GRIK1: variants seen among roughly 807,000 people sequenced by gnomAD.
GRIK1 encodes the protein glutamate receptor ionotropic, kainate 1.
A neutral mutation model predicts 105.7 loss-of-function variants in GRIK1; 69 were observed. That is an observed-to-expected ratio of 0.65 (90% CI 0.54 to 0.80). The LOEUF is 0.80. Ranked by LOEUF, GRIK1 falls within the 30% of genes least tolerant of loss-of-function variation. The probability of loss-of-function intolerance (pLI) is 0.00; values close to 1 mark genes in which losing one functional copy is unlikely to be tolerated. For missense variants in GRIK1, 1,109 were observed against 1,167.3 expected (o/e 0.95, Z 0.73); for synonymous variants, 438 against 431.3 (o/e 1.02, Z -0.19).
At chr21:29,851,144 T>C (rs1468399401) in intron 1 of GRIK1, among the ~76,000 whole-genome samples, 4 of 151,970 alleles carry the variant, frequency 2.6e-5, no homozygotes, top group African/African-American at 9.7e-5. Flanking sequence ...AACCTCCGCC[T>C]CCCAGGTCCA....
chr21:29,684,279 T>TATC (rs1203997998), intron 3 of GRIK1, among the ~76,000 whole-genome samples: 1 of 152,096 alleles, frequency 6.6e-6, no homozygotes, highest in East Asian at 1.9e-4. Flanking sequence ...TCTATCTATC[T>TATC]ATCTATCTAT....
chr21:29,705,120 T>C (rs1449565027), intron 1 of GRIK1, among the ~76,000 whole-genome samples: 3 of 152,242 alleles, frequency 2.0e-5, no homozygotes, highest in African/African-American at 7.2e-5. Flanking sequence ...ATTTTCTAGT[T>C]TTCTTCTTCT....
At chr21:29,938,772 T>A (rs2071864006) in intron 1 of GRIK1, among the ~76,000 whole-genome samples, 1 of 152,152 alleles carries the variant, frequency 6.6e-6, no homozygotes, top group Non-Finnish European at 1.5e-5. Context: ...ACTCTTCGAA[T>A]CTTCAGCTCG....
chr21:29,722,462 A>G (rs1425913739), intron 1 of GRIK1, among the ~76,000 whole-genome samples: 3 of 151,856 alleles, frequency 2.0e-5, no homozygotes, highest in Non-Finnish European at 4.4e-5. Context: ...TGGGTGAGGC[A>G]GGAGAATGGT....
intron 1 of GRIK1, among the ~76,000 whole-genome samples, chr21:29,916,703 A>C (rs1704168234): frequency 6.6e-6 from 1 of 151,168 alleles, no homozygotes; most frequent in Admixed American, 6.6e-5. Context: ...CTCTTGTAAG[A>C]ACTCTGTCTC....
chr21:29,902,469 G>A (rs1245999912), intron 1 of GRIK1, among the ~76,000 whole-genome samples: 2 of 152,162 alleles, frequency 1.3e-5, no homozygotes, highest in African/African-American at 4.8e-5. Context: ...CAAAATCAAT[G>A]TGCAAAAATC....
chr21:29,701,283 A>G (rs997490107), intron 1 of GRIK1, among the ~76,000 whole-genome samples: 3 of 152,200 alleles, frequency 2.0e-5, no homozygotes, highest in Middle Eastern at 3.2e-3. Flanking sequence ...AGGCATTGAC[A>G]TGTCAGAGTG....
chr21:29,594,406 G>A (rs370081994), intron 9 of GRIK1, among the ~76,000 whole-genome samples: 3 of 152,194 alleles, frequency 2.0e-5, no homozygotes, highest in Non-Finnish European at 4.4e-5. Context: ...ACTGTTCTAC[G>A]AACTAGGAGG....
At chr21:29,769,384 C>A (rs1601647131) in intron 1 of GRIK1, among the ~76,000 whole-genome samples, 1 of 152,096 alleles carries the variant, frequency 6.6e-6, no homozygotes, top group African/African-American at 2.4e-5. Context: ...AGTCCCCAAC[C>A]TTTTTGGCAT....
chr21:29,794,614 C>A (rs892611080), intron 1 of GRIK1, among the ~76,000 whole-genome samples: 5 of 152,252 alleles, frequency 3.3e-5, no homozygotes, highest in African/African-American at 1.2e-4. Flanking sequence ...CTGAATAGTA[C>A]CTAGGCAGTT....
At chr21:29,713,399 T>C (rs2064103882) in intron 1 of GRIK1, among the ~76,000 whole-genome samples, 1 of 152,286 alleles carries the variant, frequency 6.6e-6, no homozygotes, top group African/African-American at 2.4e-5. Flanking sequence ...TTTTCATTCT[T>C]GTAATGCCTA....
intron 1 of GRIK1, among the ~76,000 whole-genome samples, chr21:29,860,121 A>G (rs2068590128): frequency 6.6e-6 from 1 of 152,174 alleles, no homozygotes; most frequent in African/African-American, 2.4e-5. Context: ...TTTAACTTTC[A>G]CTCTAGGCCA....
intron 14 of GRIK1, among the ~76,000 whole-genome samples, chr21:29,564,687 A>C (rs1365595368): frequency 6.6e-6 from 1 of 152,194 alleles, no homozygotes; most frequent in Non-Finnish European, 1.5e-5. Flanking sequence ...TGGCAGACCT[A>C]GCTTTGGTCC....
chr21:29,791,322 A>G (rs1262307352), intron 1 of GRIK1, among the ~76,000 whole-genome samples: 2 of 151,410 alleles, frequency 1.3e-5, no homozygotes, highest in South Asian at 2.1e-4. Context: ...GAAGAGGAGG[A>G]AAAAAAAAGG....
intron 7 of GRIK1, among the ~76,000 whole-genome samples, chr21:29,641,953 C>T (rs1055165977): frequency 2.0e-5 from 3 of 152,160 alleles, no homozygotes; most frequent in African/African-American, 4.8e-5. Context: ...CACTATATTT[C>T]CATCCTTCTC....
intron 1 of GRIK1, among the ~76,000 whole-genome samples, chr21:29,725,467 A>G (rs1485767400): frequency 6.6e-6 from 1 of 152,202 alleles, no homozygotes; most frequent in African/African-American, 2.4e-5. Context: ...ATTTAAATAC[A>G]AATGGATTGA....
chr21:29,575,703 G>A (rs376478411), intron 14 of GRIK1, among the ~76,000 whole-genome samples: 1 of 152,012 alleles, frequency 6.6e-6, no homozygotes, highest in African/African-American at 2.4e-5. Flanking sequence ...GTGGTGGCAG[G>A]CACCTGTCGT....
intron 7 of GRIK1, among the ~76,000 whole-genome samples, chr21:29,613,414 A>G (rs962574514): frequency 1.4e-4 from 22 of 152,330 alleles, no homozygotes; most frequent in Non-Finnish European, 2.8e-4. Context: ...GCTTTAAAAA[A>G]GAAGATCCTC....
intron 8 of GRIK1, 42 bp downstream of exon 8, chr21:29,598,788 T>C (rs766731171): frequency 1.1e-5 from 10 of 889,204 alleles, no homozygotes; most frequent in Non-Finnish European, 1.8e-5. Context: ...GCCTGAACAA[T>C]GTTCATTTGT....
Sources: gnomAD v4.1 joint callset for allele counts (sites outside exome capture counted in the v4.1 genomes callset) on GRCh38, gnomAD v4.1.1 for gene constraint, MANE v1.5 for transcripts, NCBI Gene and HGNC (gene_info 2026-07-23, HGNC 2026-07-21) for gene names.